Variants in OPHN1 observed in about 807,000 individuals in gnomAD.
OPHN1 encodes the protein oligophrenin 1.
Under a neutral mutation model 60.7 loss-of-function variants are expected in OPHN1, and 11 were observed. The observed-to-expected ratio is 0.18, with a 90% CI of 0.11 to 0.30. The LOEUF is 0.30. OPHN1 is among the 10% of genes least tolerant of loss of function. The pLI is 1.00. For synonymous variants in OPHN1, 226 were observed against 222.6 expected, an observed-to-expected ratio of 1.02 and a Z score of -0.14; for missense variants, 449 against 611.0, an observed-to-expected ratio of 0.73 and a Z score of 2.80.
chrX:68,428,489 T>C (rs866533849), intron 2 of OPHN1, among the ~76,000 whole-genome samples: 2 of 111,635 alleles, frequency 1.8e-5, no homozygotes, highest in South Asian at 7.6e-4. Context: ...ATGACAATCA[T>C]TTCTATCCAC....
rs1215089719 is a variant in OPHN1, at chrX:68,046,737, C to G, written c.*435G>C. ...ACCAAGGTAAGCAATGGCCCCAACT[C>G]AAGTGGCCTTCAGTTCAAGGTAAGA... On this transcript the variant is annotated 3_prime_UTR_variant, in exon 25 of 25. Coordinates refer to ENST00000355520, the MANE Select transcript of OPHN1 (RefSeq NM_002547.3). The G allele has an allele frequency of 8.9e-6, 1 of 112,263 alleles. No individual in the cohort carries two copies. The highest frequency in any genetic ancestry group is 1.9e-5 in the Non-Finnish European group (1 of 53,261). 9.3% of individuals were successfully genotyped at this position (112,263 alleles called of 1,213,427 possible).
intron 2 of OPHN1, among the ~76,000 whole-genome samples, chrX:68,366,385 G>A (rs2078499135): frequency 9.0e-6 from 1 of 111,058 alleles, no homozygotes; most frequent in Non-Finnish European, 1.9e-5. Flanking sequence ...CTGGAGTGCA[G>A]TGGCATAATC....
At chrX:68,153,047 C>T (rs1307035892) in intron 15 of OPHN1, among the ~76,000 whole-genome samples, 1 of 108,148 alleles carries the variant, frequency 9.2e-6, no homozygotes, top group African/African-American at 3.4e-5. Flanking sequence ...CCCATCTCTA[C>T]TAAAAATACA....
chrX:68,078,716 T>C (rs113040041), intron 19 of OPHN1, among the ~76,000 whole-genome samples: 1,265 of 110,993 alleles, frequency 0.011, 23 homozygotes, highest in African/African-American at 0.04. Flanking sequence ...CTGGGCGCGG[T>C]GGCTCATGTC....
At chrX:68,139,422 A>C (rs760955371) in intron 15 of OPHN1, among the ~76,000 whole-genome samples, 1 of 111,957 alleles carries the variant, frequency 8.9e-6, no homozygotes, top group African/African-American at 3.2e-5. Context: ...AATCCAAGAA[A>C]GTGGGTGGGA....
intron 2 of OPHN1, among the ~76,000 whole-genome samples, chrX:68,397,528 T>A (rs868863143): frequency 1.4e-3 from 122 of 89,771 alleles, no homozygotes; most frequent in South Asian, 7.3e-3. Flanking sequence ...TTATTTATTT[T>A]TTTTTTTTTT....
chrX:68,233,242 G>C (rs1380985364), intron 6 of OPHN1, among the ~76,000 whole-genome samples: 1 of 111,537 alleles, frequency 9.0e-6, no homozygotes, highest in Non-Finnish European at 1.9e-5. Flanking sequence ...TGAGGCTCTT[G>C]ACCTATTACC....
At chrX:68,302,614 A>C (rs1253322287) in intron 2 of OPHN1, among the ~76,000 whole-genome samples, 1 of 110,976 alleles carries the variant, frequency 9.0e-6, no homozygotes, top group African/African-American at 3.3e-5. Flanking sequence ...AAAGAAAAAA[A>C]AGAAATTTAA....
At chrX:68,096,359 A>C (rs1298604668) in intron 19 of OPHN1, among the ~76,000 whole-genome samples, 1 of 112,097 alleles carries the variant, frequency 8.9e-6, no homozygotes, top group Non-Finnish European at 1.9e-5. Context: ...AAAAAATGCA[A>C]GAGTTTACCT....
At chrX:68,323,434 C>G (rs899042763) in intron 2 of OPHN1, among the ~76,000 whole-genome samples, 1 of 111,473 alleles carries the variant, frequency 9.0e-6, no homozygotes, top group Non-Finnish European at 1.9e-5. Flanking sequence ...TTGCATACCC[C>G]CCTACACACA....
intron 2 of OPHN1, among the ~76,000 whole-genome samples, chrX:68,339,656 G>T (rs1339866585): frequency 8.9e-6 from 1 of 111,816 alleles, no homozygotes; most frequent in African/African-American, 3.2e-5. Flanking sequence ...AGGCTGGAGT[G>T]CAGTGGCAGA....
chrX:68,317,667 A>AAGG (rs1277736230), intron 2 of OPHN1, among the ~76,000 whole-genome samples: 98 of 88,386 alleles, frequency 1.1e-3, no homozygotes, highest in African/African-American at 3.3e-3. Context: ...GAGAAGGAGG[A>AAGG]AGGAGGAGGA....
chrX:68,274,882 A>T, intron 4 of OPHN1, 73 bp from the exon 5 acceptor site: 1 of 776,863 alleles, frequency 1.3e-6, no homozygotes. Context: ...CCTTGTTACT[A>T]CATTTTCATT....
chrX:68,273,546 G>A (rs1311341940), intron 5 of OPHN1, among the ~76,000 whole-genome samples: 2 of 112,358 alleles, frequency 1.8e-5, no homozygotes, highest in African/African-American at 6.5e-5. Context: ...CACAATGATG[G>A]AAATGTATTT....
chrX:68,407,065 G>A (rs768626888), intron 2 of OPHN1, among the ~76,000 whole-genome samples: 7 of 111,808 alleles, frequency 6.3e-5, no homozygotes, highest in African/African-American at 1.6e-4. Flanking sequence ...TTAGCCGGGC[G>A]TAGTGGTGTG....
chrX:68,303,635 T>C (rs7062981), intron 2 of OPHN1, among the ~76,000 whole-genome samples: 10,852 of 104,895 alleles, frequency 0.1, 1,353 homozygotes, highest in African/African-American at 0.35. Context: ...ACAACAAAAG[T>C]GAAATTTCAT....
intron 6 of OPHN1, among the ~76,000 whole-genome samples, chrX:68,214,660 G>C (rs1395770541): frequency 8.9e-6 from 1 of 111,900 alleles, no homozygotes; most frequent in Non-Finnish European, 1.9e-5. Flanking sequence ...AGAGAAAAAA[G>C]GAGCATCAGA....
intron 6 of OPHN1, among the ~76,000 whole-genome samples, chrX:68,232,312 T>C (rs201280496): frequency 9.0e-6 from 1 of 111,601 alleles, no homozygotes; most frequent in South Asian, 3.8e-4. Context: ...TAAGATTTAT[T>C]TCAGTGAAAG....
At chrX:68,114,175 G>A (rs931160457) in intron 16 of OPHN1, among the ~76,000 whole-genome samples, 9 of 110,621 alleles carry the variant, frequency 8.1e-5, no homozygotes, top group Non-Finnish European at 1.3e-4. Flanking sequence ...AGGTGGCTCA[G>A]AGGAAGTAAG....
Sources: allele counts gnomAD v4.1 joint callset (sites outside exome capture counted in the v4.1 genomes callset), GRCh38; gene constraint gnomAD v4.1.1; transcripts MANE v1.5; gene names NCBI Gene and HGNC (gene_info 2026-07-23, HGNC 2026-07-21).